Variants in CDH1 observed in about 807,000 individuals in gnomAD.
The protein encoded by CDH1 is cadherin 1, also known as cadherin-1.
CDH1 carries 35 observed loss-of-function variants against 84.5 expected under a neutral mutation model. The observed-to-expected ratio is 0.41, with a 90% CI of 0.32 to 0.55. The LOEUF (loss-of-function observed/expected upper bound fraction) is 0.55. Among genes scored for constraint, CDH1 ranks in the 20% least tolerant of loss-of-function variants. The pLI, the probability that CDH1 is intolerant of heterozygous loss-of-function variation, is 0.19. For missense variants in CDH1, 994 were observed against 1,126.6 expected (o/e 0.88, Z 1.68); for synonymous variants, 417 against 439.0 (o/e 0.95, Z 0.63).
At chr16:68,800,745 G>A (rs1270999111) in intron 2 of CDH1, among the ~76,000 whole-genome samples, 1 of 152,176 alleles carries the variant, frequency 6.6e-6, no homozygotes, top group East Asian at 1.9e-4. Flanking sequence ...CAGCTCAGAT[G>A]GGCCTACCTC....
chr16:68,820,045 A>G (rs938362043), intron 11 of CDH1, among the ~76,000 whole-genome samples: 2 of 151,976 alleles, frequency 1.3e-5, no homozygotes, highest in Non-Finnish European at 2.9e-5. Flanking sequence ...CAAAAAGTAC[A>G]TAAATTAGCT....
intron 10 of CDH1, among the ~76,000 whole-genome samples, chr16:68,817,332 C>G (rs926896760): frequency 6.6e-6 from 1 of 152,178 alleles, no homozygotes; most frequent in Non-Finnish European, 1.5e-5. Context: ...CATTTAGGAA[C>G]TACTGTATTG....
At chr16:68,807,170 A>G (rs1020419246) in intron 3 of CDH1, among the ~76,000 whole-genome samples, 19 of 152,240 alleles carry the variant, frequency 1.2e-4, no homozygotes, top group Non-Finnish European at 2.5e-4. Flanking sequence ...TCTTTATTGC[A>G]TATGAAAACT....
At chr16:68,739,249 C>T (rs1051748176) in intron 2 of CDH1, among the ~76,000 whole-genome samples, 4 of 151,952 alleles carry the variant, frequency 2.6e-5, no homozygotes, top group South Asian at 4.2e-4. Flanking sequence ...CCCATCTCTA[C>T]TAAATAAAAA....
At chr16:68,744,879 T>C (rs546025805) in intron 2 of CDH1, among the ~76,000 whole-genome samples, 2 of 152,296 alleles carry the variant, frequency 1.3e-5, no homozygotes, top group East Asian at 3.9e-4. Flanking sequence ...AAAGATCCCC[T>C]GCGCTCCCTC....
intron 2 of CDH1, among the ~76,000 whole-genome samples, chr16:68,795,917 A>G (rs1376891311): frequency 6.6e-6 from 1 of 151,856 alleles, no homozygotes; most frequent in Non-Finnish European, 1.5e-5. Flanking sequence ...TAATCCCAGC[A>G]CTTTGGGCGG....
At chr16:68,801,014 T>G (rs2152126253) in intron 2 of CDH1, among the ~76,000 whole-genome samples, 1 of 152,342 alleles carries the variant, frequency 6.6e-6, no homozygotes, top group East Asian at 1.9e-4. Flanking sequence ...GGTTACCTAT[T>G]TGAATGAGTC....
At chr16:68,782,232 C>T (rs1167041794) in intron 2 of CDH1, among the ~76,000 whole-genome samples, 1 of 152,208 alleles carries the variant, frequency 6.6e-6, no homozygotes, top group Non-Finnish European at 1.5e-5. Context: ...AGGCAGTCCA[C>T]ACCCTCAGGA....
At chr16:68,754,294 C>A (rs147634621) in intron 2 of CDH1, among the ~76,000 whole-genome samples, 1 of 151,978 alleles carries the variant, frequency 6.6e-6, no homozygotes, top group East Asian at 1.9e-4. Context: ...GCTGGCAGAC[C>A]CAGCTACCTG....
intron 2 of CDH1, among the ~76,000 whole-genome samples, chr16:68,787,038 AC>A (rs1815312759): frequency 1.3e-5 from 2 of 152,238 alleles, no homozygotes; most frequent in East Asian, 1.9e-4. Context: ...TCTGAATTCC[AC>A]AACGGCTTTC....
chr16:68,811,575 C>T (rs1960830319), intron 6 of CDH1, 109 bp from the exon 7 acceptor site: 2 of 942,696 alleles, frequency 2.1e-6, no homozygotes, highest in East Asian at 4.8e-5. Flanking sequence ...GACACGGTAC[C>T]ACCCCCATGT....
intron 2 of CDH1, among the ~76,000 whole-genome samples, chr16:68,752,869 C>A (rs1400747797): frequency 1.3e-5 from 2 of 152,156 alleles, no homozygotes; most frequent in Non-Finnish European, 2.9e-5. Context: ...GTTTGGTTTC[C>A]TATTGTGTGG....
intron 14 of CDH1, among the ~76,000 whole-genome samples, chr16:68,829,135 G>A (rs186132644): frequency 2.0e-5 from 3 of 152,296 alleles, no homozygotes; most frequent in Admixed American, 1.3e-4. Flanking sequence ...AGAATCTGTA[G>A]GATGGCTGGG....
intron 11 of CDH1, 74 bp from the exon 12 acceptor site, chr16:68,821,927 C>G: frequency 8.4e-7 from 1 of 1,184,922 alleles, no homozygotes; most frequent in Non-Finnish European, 1.3e-6. Flanking sequence ...AAGATCTAGA[C>G]TTGGTCTGGT....
intron 7 of CDH1, 69 bp from the exon 8 acceptor site, chr16:68,812,066 T>C: frequency 6.2e-7 from 1 of 1,609,806 alleles, no homozygotes; most frequent in Non-Finnish European, 8.5e-7. Flanking sequence ...GTTCCATGTG[T>C]TGGGCTGGGC....
chr16:68,737,465 T>A lies in CDH1; in HGVS notation c.48+2T>A. ...TCGGCGCTGCTGCTGCTGCTGCAGG[T>A]ACCCCGGATCCCCTGACTTGCGAGG... On this transcript the variant is annotated splice_donor_variant, in intron 1 of 15. Coordinates refer to ENST00000261769, the MANE Select transcript of CDH1 (RefSeq NM_004360.5). LOFTEE classifies it high-confidence loss of function. The A allele has an allele frequency of 6.5e-7, 1 of 1,537,310 alleles. No individual in the cohort carries two copies. Among genetic ancestry groups the A allele is most frequent in the Non-Finnish European group, 8.7e-7 (1 of 1,148,300 alleles).
At chr16:68,821,601 A>T (rs1179578510) in intron 11 of CDH1, among the ~76,000 whole-genome samples, 1 of 152,162 alleles carries the variant, frequency 6.6e-6, no homozygotes, top group Non-Finnish European at 1.5e-5. Flanking sequence ...AATAAATAAA[A>T]AGACTCAATG....
At chr16:68,762,781 C>T (rs940564350) in intron 2 of CDH1, among the ~76,000 whole-genome samples, 6 of 151,638 alleles carry the variant, frequency 4.0e-5, no homozygotes, top group Admixed American at 2.6e-4. Flanking sequence ...TGTTGGTGGG[C>T]GCCTATAATC....
Position 68,737,349 on chromosome 16 carries a change from C to G in CDH1, c.-67C>G. On this transcript the variant is annotated 5_prime_UTR_variant, in exon 1 of 16. Transcript: ENST00000261769. ...TTGCGGAAGTCAGTTCAGACTCCAG[C>G]CCGCTCCAGCCCGGCCCGACCCGAC... 7.3e-7 allele frequency: 1 copy of G among 1,366,204 alleles called. No homozygotes were observed. The highest frequency in any genetic ancestry group is 1.0e-6 in the Non-Finnish European group (1 of 1,003,698). The allele number at this position is 1,366,204 out of a possible 1,614,324, so 84.6% of individuals were successfully genotyped here.
Sources: gnomAD v4.1 joint callset for allele counts (sites outside exome capture counted in the v4.1 genomes callset) on GRCh38, gnomAD v4.1.1 for gene constraint, MANE v1.5 for transcripts, NCBI Gene and HGNC (gene_info 2026-07-23, HGNC 2026-07-21) for gene names.